The following SGIP1 variants were observed in gnomAD, a reference collection of about 807,000 sequenced individuals.
SGIP1 encodes SH3-containing GRB2-like protein 3-interacting protein 1.
A neutral mutation model predicts 107.5 loss-of-function variants in SGIP1; 38 were observed. The observed-to-expected ratio is 0.35, with a 90% CI of 0.27 to 0.46. The LOEUF is 0.46. Among genes scored for constraint, SGIP1 ranks in the 20% least tolerant of loss-of-function variants. The probability of loss-of-function intolerance (pLI) is 1.00; values close to 1 mark genes in which losing one functional copy is unlikely to be tolerated. For missense variants in SGIP1, 929 were observed against 1,019.5 expected, an observed-to-expected ratio of 0.91 and a Z score of 1.21; for synonymous variants, 365 against 366.1, an observed-to-expected ratio of 1.00 and a Z score of 0.03.
At chr1:66,729,701 T>C (rs2093919864) in intron 20 of SGIP1, among the ~76,000 whole-genome samples, 1 of 152,252 alleles carries the variant, frequency 6.6e-6, no homozygotes, top group Admixed American at 6.5e-5. Context: ...AACAGTTTGT[T>C]CATCGTCTGT....
intron 1 of SGIP1, among the ~76,000 whole-genome samples, chr1:66,577,320 A>G (rs943125900): frequency 2.0e-5 from 3 of 152,144 alleles, no homozygotes; most frequent in Non-Finnish European, 4.4e-5. Flanking sequence ...CTGGTCAAGT[A>G]TCCAGGTCTA....
intron 7 of SGIP1, among the ~76,000 whole-genome samples, chr1:66,645,654 A>C (rs749568785): frequency 2.0e-5 from 3 of 152,078 alleles, no homozygotes; most frequent in Non-Finnish European, 2.9e-5. Context: ...ATTCCTAAAT[A>C]TTTATAATTT....
chr1:66,542,743 G>T (rs2055299035), intron 1 of SGIP1, among the ~76,000 whole-genome samples: 1 of 152,140 alleles, frequency 6.6e-6, no homozygotes, highest in African/African-American at 2.4e-5. Context: ...TGAACCCACA[G>T]AAAATGAAAC....
intron 1 of SGIP1, among the ~76,000 whole-genome samples, chr1:66,536,215 T>A (rs188533434): frequency 6.8e-6 from 1 of 147,496 alleles, no homozygotes; most frequent in Non-Finnish European, 1.5e-5. Context: ...ATTTATCTAA[T>A]GAACAATGTT....
At chr1:66,564,005 G>T (rs1192881561) in intron 1 of SGIP1, among the ~76,000 whole-genome samples, 2 of 151,970 alleles carry the variant, frequency 1.3e-5, no homozygotes, top group Non-Finnish European at 2.9e-5. Flanking sequence ...CAATCATATA[G>T]TTCAACAGGT....
chr1:66,617,182 A>G (rs1362643633), intron 1 of SGIP1, among the ~76,000 whole-genome samples: 2 of 152,190 alleles, frequency 1.3e-5, no homozygotes, highest in Non-Finnish European at 2.9e-5. Flanking sequence ...GCTTGTAAAC[A>G]TTTACTGAAT....
intron 17 of SGIP1, chr1:66,694,530 AG>A (rs1360434036): frequency 6.5e-7 from 1 of 1,546,244 alleles, no homozygotes; most frequent in Non-Finnish European, 8.7e-7. Flanking sequence ...AGTGATCTCT[AG>A]AGACCTAGAT....
At chr1:66,674,393 G>A (rs779353761) in intron 12 of SGIP1, among the ~76,000 whole-genome samples, 6 of 152,102 alleles carry the variant, frequency 3.9e-5, no homozygotes, top group Non-Finnish European at 8.8e-5. Flanking sequence ...TCTAATGCAT[G>A]TATTTCCAAT....
At chr1:66,732,799 T>C (rs1361376685) in intron 20 of SGIP1, among the ~76,000 whole-genome samples, 1 of 152,046 alleles carries the variant, frequency 6.6e-6, no homozygotes, top group Non-Finnish European at 1.5e-5. Flanking sequence ...CTTTGCAGGG[T>C]AGATTTTAAT....
At chr1:66,740,124 G>C (rs1224409091) in intron 22 of SGIP1, among the ~76,000 whole-genome samples, 2 of 152,206 alleles carry the variant, frequency 1.3e-5, no homozygotes, top group African/African-American at 4.8e-5. Context: ...AAAGGCCTCT[G>C]AGAAATGTAG....
Position 66,556,404 on chromosome 1 carries a change from A to T in SGIP1, c.10+22036A>T, listed in dbSNP as rs562358626. On this transcript the variant is annotated intron_variant, in intron 1 of 24. Coordinates refer to ENST00000371037, the MANE Select transcript of SGIP1 (RefSeq NM_032291.4). ...GCTTCTCTGGCAAGCTGTCCTAGGC[A>T]GCTCTTCACTGCAAGCCTCTGATCA... Among the ~76,000 whole-genome samples, 5 of 152,238 alleles carry T rather than the reference A, an allele frequency of 3.3e-5. No individual in the cohort carries two copies. The South Asian group carries it at 8.3e-4, about 25-fold the overall frequency.
chr1:66,716,986 C>T (rs1258159160), intron 18 of SGIP1, among the ~76,000 whole-genome samples: 2 of 151,830 alleles, frequency 1.3e-5, no homozygotes, highest in Non-Finnish European at 2.9e-5. Flanking sequence ...AGAAGGTGGA[C>T]CTCCTTCCTT....
chr1:66,728,637 C>A lies in SGIP1; in HGVS notation c.1743-627C>A, dbSNP rs924269437. On this transcript the variant is annotated intron_variant, in intron 19 of 24. Transcript: ENST00000371037. ...AAAGAAATATAAATCATTCTATCAT[C>A]AAGACACATGCATTGGTATGTTCAT... Among the ~76,000 whole-genome samples, 6 of 152,156 alleles carry A rather than the reference C, an allele frequency of 3.9e-5. No individual in the cohort carries two copies. In the South Asian group the frequency reaches 1.0e-3, roughly 26 times the overall value.
At chr1:66,674,512 C>T (rs2084714425) in intron 12 of SGIP1, among the ~76,000 whole-genome samples, 1 of 152,028 alleles carries the variant, frequency 6.6e-6, no homozygotes, top group South Asian at 2.1e-4. Context: ...TGGTGAAGGG[C>T]CTTAAGTGTT....
intron 7 of SGIP1, among the ~76,000 whole-genome samples, chr1:66,648,808 A>G (rs1257242629): frequency 6.6e-6 from 1 of 152,210 alleles, no homozygotes; most frequent in Non-Finnish European, 1.5e-5. Flanking sequence ...CACATATCAC[A>G]TAGATTCAGA....
chr1:66,706,517 A>G (rs1008428313), intron 18 of SGIP1, among the ~76,000 whole-genome samples: 1 of 149,198 alleles, frequency 6.7e-6, no homozygotes, highest in African/African-American at 2.4e-5. Context: ...TCTAAATATT[A>G]TCTTTTCTCT....
At chr1:66,666,864 G>C (rs1242813152) in intron 8 of SGIP1, 1 of 152,254 alleles carries the variant, frequency 6.6e-6, no homozygotes, top group Non-Finnish European at 1.5e-5. Context: ...TTCTGTTGCT[G>C]CTGGACAGTT....
chr1:66,687,146 A>G (rs988540418), intron 15 of SGIP1, among the ~76,000 whole-genome samples: 15 of 152,190 alleles, frequency 9.9e-5, no homozygotes, highest in African/African-American at 3.4e-4. Context: ...TTTCTGGAGC[A>G]TGTAGGAAAA....
intron 1 of SGIP1, among the ~76,000 whole-genome samples, chr1:66,612,741 T>C (rs2068300321): frequency 6.6e-6 from 1 of 152,246 alleles, no homozygotes; most frequent in Non-Finnish European, 1.5e-5. Context: ...TAAAATCTGA[T>C]GTCATGTCTG....
Sources: gnomAD v4.1 joint callset for allele counts (sites outside exome capture counted in the v4.1 genomes callset) on GRCh38, gnomAD v4.1.1 for gene constraint, MANE v1.5 for transcripts, NCBI Gene and HGNC (gene_info 2026-07-23, HGNC 2026-07-21) for gene names.